The following GRM7 variants were observed in gnomAD, a reference collection of about 807,000 sequenced individuals.
GRM7 encodes glutamate metabotropic receptor 7, also known as metabotropic glutamate receptor 7.
In GRM7, 35 loss-of-function variants were observed where a neutral mutation model predicts 84.5. The ratio of observed to expected loss-of-function variants is 0.41; its 90% confidence interval spans 0.32 to 0.55. The LOEUF (loss-of-function observed/expected upper bound fraction) is 0.55. Among genes scored for constraint, GRM7 ranks in the 20% least tolerant of loss-of-function variants. GRM7 has a pLI of 0.19. For synonymous variants in GRM7, 487 were observed against 455.1 expected (o/e 1.07, Z -0.89); for missense variants, 1,003 against 1,194.6 (o/e 0.84, Z 2.36).
intron 1 of GRM7, among the ~76,000 whole-genome samples, chr3:6,887,890 C>T (rs750984618): frequency 6.6e-6 from 1 of 152,186 alleles, no homozygotes; most frequent in Admixed American, 6.5e-5. Flanking sequence ...TCTCCAGCAC[C>T]TGTTGTTTCC....
intron 2 of GRM7, among the ~76,000 whole-genome samples, chr3:7,149,084 GGTACGTATT>G (rs1202996971): frequency 6.6e-6 from 1 of 151,930 alleles, no homozygotes; most frequent in East Asian, 1.9e-4. Flanking sequence ...TATGGTATCT[GGTACGTATT>G]TATAACAAAA....
At chr3:6,974,374 A>G (rs1693902749) in intron 1 of GRM7, among the ~76,000 whole-genome samples, 1 of 152,224 alleles carries the variant, frequency 6.6e-6, no homozygotes, top group African/African-American at 2.4e-5. Context: ...AATTGAGGAC[A>G]TCAATTTGGG....
chr3:6,939,201 C>G (rs948758060), intron 1 of GRM7, among the ~76,000 whole-genome samples: 1 of 151,902 alleles, frequency 6.6e-6, no homozygotes, highest in Non-Finnish European at 1.5e-5. Flanking sequence ...ACATATAGAA[C>G]CAAAAAAACA....
intron 4 of GRM7, among the ~76,000 whole-genome samples, chr3:7,339,920 G>A (rs73113712): frequency 0.039 from 5,951 of 152,100 alleles, 245 homozygotes; most frequent in African/African-American, 0.11. Flanking sequence ...AGTAATCCAC[G>A]GAACAATAAA....
At chr3:7,393,373 G>A (rs140184231) in intron 4 of GRM7, among the ~76,000 whole-genome samples, 1 of 152,274 alleles carries the variant, frequency 6.6e-6, no homozygotes, top group East Asian at 1.9e-4. Context: ...TGAGGCCCTA[G>A]TGAGTCGAGG....
At chr3:7,125,755 T>C (rs11915246) in intron 1 of GRM7, among the ~76,000 whole-genome samples, 45,056 of 152,094 alleles carry the variant, frequency 0.3, 7,043 homozygotes, top group African/African-American at 0.39. Flanking sequence ...TATTAGAGAC[T>C]TGTTGGCAGT....
Position 7,338,144 on chromosome 3 carries a change from C to CACA in GRM7, c.1033+31492_1033+31493insACA, listed in dbSNP as rs1209955966. On this transcript the variant is annotated intron_variant, in intron 4 of 9. Coordinates refer to ENST00000357716, the MANE Select transcript of GRM7 (RefSeq NM_000844.4). The stretch of plus-strand genomic sequence containing the variant: ...CACACACACACACACACACACACAC[C>CACA]CCATGGAATACTATTCAGCCATCAA... Among the ~76,000 whole-genome samples the CACA allele has an allele frequency of 7.6e-5, 10 of 131,270 alleles. No homozygotes were observed. In the South Asian group the frequency reaches 1.2e-3, roughly 15 times the overall value. The allele number at this position is 131,270 out of a possible 152,430, so 86.1% of individuals were successfully genotyped here.
intron 1 of GRM7, among the ~76,000 whole-genome samples, chr3:6,940,580 A>ATTT (rs78289642): frequency 0.072 from 10,969 of 152,230 alleles, 537 homozygotes; most frequent in Non-Finnish European, 0.11. Context: ...TTACAAGTTC[A>ATTT]TTTTTTAAAA....
In GRM7 at chr3:7,438,059, G is replaced by A. The variant is rs145736329; in HGVS notation, c.1175-14548G>A. Reference sequence around the variant, plus strand: ...AGGGAGTCAGATTACACTGAGCCTCGTAGACTATGCTGAGGTTCTGATTTC... The same window carrying A: ...AGGGAGTCAGATTACACTGAGCCTCATAGACTATGCTGAGGTTCTGATTTC... On this transcript the variant is annotated intron_variant, in intron 5 of 9. Transcript: ENST00000357716. Among the ~76,000 whole-genome samples the A allele has an allele frequency of 5.1e-3, 777 of 152,172 alleles. 4 individuals are homozygous for A. Among genetic ancestry groups the A allele is most frequent in the African/African-American group, 0.018 (744 of 41,528 alleles).
chr3:7,118,383 C>T (rs1235792420), intron 1 of GRM7, among the ~76,000 whole-genome samples: 2 of 151,374 alleles, frequency 1.3e-5, no homozygotes, highest in Non-Finnish European at 2.9e-5. Context: ...GCATGAGACC[C>T]AGTCTCAAAA....
chr3:6,898,404 A>C (rs1696266295), intron 1 of GRM7, among the ~76,000 whole-genome samples: 1 of 46,226 alleles, frequency 2.2e-5, no homozygotes, highest in African/African-American at 3.1e-4. Flanking sequence ...CACAAAGACA[A>C]AAAAAAAAAA....
intron 4 of GRM7, among the ~76,000 whole-genome samples, chr3:7,321,157 A>C (rs1225106215): frequency 6.6e-6 from 1 of 152,072 alleles, no homozygotes; most frequent in Non-Finnish European, 1.5e-5. Context: ...AAAGTTAGAT[A>C]ATGCAGAAAG....
chr3:7,506,115 A>G (rs1700032602), intron 7 of GRM7, among the ~76,000 whole-genome samples: 1 of 152,200 alleles, frequency 6.6e-6, no homozygotes, highest in Admixed American at 6.5e-5. Context: ...TTCTTTGACC[A>G]GATATCCTAA....
rs73123716 is a variant in GRM7 at position 7,697,031 on chromosome 3, G to C, written c.2698+16736G>C. On this transcript the variant is annotated intron_variant, in intron 9 of 9. Coordinates refer to ENST00000357716, the MANE Select transcript of GRM7 (RefSeq NM_000844.4). ...CTCAGCATCTCAGGTGCTCATTCCA[G>C]ACAGAACTCAAGCTGTTAAATGGCC... 8.3e-3 allele frequency among the ~76,000 whole-genome samples: 1,264 copies of C among 152,136 alleles called. 18 individuals carry two copies. Among genetic ancestry groups the C allele is most frequent in the African/African-American group, 0.029 (1,188 of 41,500 alleles).
intron 1 of GRM7, among the ~76,000 whole-genome samples, chr3:6,867,508 A>G (rs997975995): frequency 2.0e-5 from 3 of 152,150 alleles, no homozygotes; most frequent in Non-Finnish European, 4.4e-5. Flanking sequence ...CATTAAAGCA[A>G]ATCTTTTGTT....
chr3:6,918,809 G>A (rs1027814833), intron 1 of GRM7, among the ~76,000 whole-genome samples: 23 of 152,044 alleles, frequency 1.5e-4, no homozygotes, highest in East Asian at 3.9e-4. Context: ...GGAGGTATTC[G>A]GAGCCATGGT....
chr3:7,002,390 T>C (rs1695043332), intron 1 of GRM7, among the ~76,000 whole-genome samples: 1 of 152,210 alleles, frequency 6.6e-6, no homozygotes, highest in African/African-American at 2.4e-5. Context: ...GAATAGCTCC[T>C]ATGTACCATT....
intron 7 of GRM7, among the ~76,000 whole-genome samples, chr3:7,556,456 A>C (rs1051376157): frequency 6.0e-4 from 91 of 152,276 alleles, no homozygotes; most frequent in Admixed American, 3.5e-3. Context: ...TGCAGTGCCC[A>C]AAAAATTGCA....
intron 1 of GRM7, among the ~76,000 whole-genome samples, chr3:6,987,634 G>A (rs775835759): frequency 1.3e-5 from 2 of 152,202 alleles, no homozygotes; most frequent in Non-Finnish European, 2.9e-5. Flanking sequence ...AGCTATTCAA[G>A]CTAGATCATG....
Sources: allele counts gnomAD v4.1 joint callset (sites outside exome capture counted in the v4.1 genomes callset), GRCh38; gene constraint gnomAD v4.1.1; transcripts MANE v1.5; gene names NCBI Gene and HGNC (gene_info 2026-07-23, HGNC 2026-07-21).